XIRP2: variants seen among roughly 807,000 people sequenced by gnomAD.
XIRP2 encodes the protein xin actin binding repeat containing 2, also known as xin actin-binding repeat-containing protein 2.
XIRP2 carries 236 observed loss-of-function variants against 277.0 expected under a neutral mutation model. The ratio of observed to expected loss-of-function variants is 0.85; its 90% CI spans 0.77 to 0.95. The LOEUF is 0.95. XIRP2 is among the 40% of genes least tolerant of loss of function. XIRP2 has a pLI of 0.00. For synonymous variants in XIRP2, 1,490 were observed against 1,416.5 expected (o/e 1.05, Z -1.17); for missense variants, 4,640 against 4,157.5 (o/e 1.12, Z -3.19).
chr2:166,931,431 C>A (rs1312383137), intron 2 of XIRP2, among the ~76,000 whole-genome samples: 3 of 152,156 alleles, frequency 2.0e-5, no homozygotes, highest in African/African-American at 4.8e-5. Flanking sequence ...GCCAATAGCA[C>A]CTTACCCATA....
intron 2 of XIRP2, among the ~76,000 whole-genome samples, chr2:167,081,700 CT>C (rs1290130524): frequency 6.6e-6 from 1 of 152,048 alleles, no homozygotes; most frequent in Non-Finnish European, 1.5e-5. Flanking sequence ...AATATAGATC[CT>C]TTAACTTACA....
intron 2 of XIRP2, among the ~76,000 whole-genome samples, chr2:166,910,246 C>CT (rs200290048): frequency 1.9e-3 from 287 of 152,164 alleles, no homozygotes; most frequent in Admixed American, 3.7e-3. Flanking sequence ...TGGTCCTGGA[C>CT]TTTTTTTGGT....
chr2:167,158,029 G>A (rs1045851213), intron 3 of XIRP2, among the ~76,000 whole-genome samples: 2 of 152,096 alleles, frequency 1.3e-5, no homozygotes, highest in African/African-American at 4.8e-5. Flanking sequence ...TTAAAACAGT[G>A]TTCTAGTTGT....
intron 9 of XIRP2, among the ~76,000 whole-genome samples, chr2:167,252,921 G>A (rs1695556416): frequency 6.6e-6 from 1 of 151,850 alleles, no homozygotes; most frequent in Non-Finnish European, 1.5e-5. Flanking sequence ...GCATAATTAA[G>A]CAAAGCTGTC....
At chr2:167,013,566 A>G (rs1687740328) in intron 2 of XIRP2, among the ~76,000 whole-genome samples, 1 of 151,630 alleles carries the variant, frequency 6.6e-6, no homozygotes, top group East Asian at 1.9e-4. Context: ...GAGAATATAT[A>G]TAGAAGTCCT....
intron 3 of XIRP2, among the ~76,000 whole-genome samples, chr2:167,163,444 T>G (rs964716686): frequency 1.3e-5 from 2 of 152,228 alleles, no homozygotes; most frequent in Admixed American, 6.5e-5. Flanking sequence ...CATGTGTTTT[T>G]GGGCATATTT....
At chr2:167,083,119 T>C (rs1414878578) in intron 2 of XIRP2, among the ~76,000 whole-genome samples, 1 of 152,220 alleles carries the variant, frequency 6.6e-6, no homozygotes, top group Admixed American at 6.5e-5. Flanking sequence ...ATTGATTTTG[T>C]ATAAGGTGTA....
intron 1 of XIRP2, among the ~76,000 whole-genome samples, chr2:166,894,624 A>G (rs1684193589): frequency 6.6e-6 from 1 of 152,176 alleles, no homozygotes; most frequent in Non-Finnish European, 1.5e-5. Context: ...GTTTATACAT[A>G]TGATGGGTTA....
chr2:167,125,884 G>A (rs1691188370), intron 2 of XIRP2, among the ~76,000 whole-genome samples: 1 of 152,106 alleles, frequency 6.6e-6, no homozygotes, highest in African/African-American at 2.4e-5. Context: ...CATCTAACGT[G>A]GGCCAGGGTT....
chr2:167,129,912 C>T (rs949406389), intron 2 of XIRP2, among the ~76,000 whole-genome samples: 1 of 151,512 alleles, frequency 6.6e-6, no homozygotes, highest in Non-Finnish European at 1.5e-5. Context: ...TTATCTTGCT[C>T]TCTTTCAAGT....
intron 3 of XIRP2, among the ~76,000 whole-genome samples, chr2:167,191,709 C>G (rs1693339996): frequency 6.6e-6 from 1 of 152,176 alleles, no homozygotes; most frequent in Admixed American, 6.5e-5. Context: ...CCACTCTCAT[C>G]ACTGGACACA....
chr2:167,237,732 T>C (rs1349874925), intron 5 of XIRP2, among the ~76,000 whole-genome samples: 1 of 152,192 alleles, frequency 6.6e-6, no homozygotes, highest in Non-Finnish European at 1.5e-5. Context: ...GTGCCCCTCA[T>C]AGGGACCTTG....
chr2:167,104,366 C>T lies in XIRP2; in HGVS notation c.409-31543C>T, dbSNP rs147010075. On this transcript the variant is annotated intron_variant, in intron 2 of 10. Transcript: ENST00000409195. ...GTCCCCCTTAGTACTTCCACCAACCCATCATAACAATTTTATCCCATCCCC... is the reference window on the plus strand; with the variant it reads ...GTCCCCCTTAGTACTTCCACCAACCTATCATAACAATTTTATCCCATCCCC... Among the ~76,000 whole-genome samples, 237 of 152,172 alleles carry T rather than the reference C, an allele frequency of 1.6e-3. 2 individuals are homozygous for T. Among genetic ancestry groups the T allele is most frequent in the African/African-American group, 5.6e-3 (234 of 41,546 alleles).
chr2:166,984,750 G>T (rs547008751), intron 2 of XIRP2, among the ~76,000 whole-genome samples: 48 of 152,226 alleles, frequency 3.2e-4, no homozygotes, highest in African/African-American at 8.7e-4. Context: ...TGAATGCAAA[G>T]AATTTGAATA....
At chr2:166,988,683 C>A (rs867425363) in intron 2 of XIRP2, among the ~76,000 whole-genome samples, 1 of 105,766 alleles carries the variant, frequency 9.5e-6, no homozygotes, top group African/African-American at 4.0e-5. Flanking sequence ...GTTCCCTTTC[C>A]GAGTCAAAGA....
At chr2:166,981,427 T>C (rs1321339094) in intron 2 of XIRP2, among the ~76,000 whole-genome samples, 1 of 129,316 alleles carries the variant, frequency 7.7e-6, no homozygotes, top group Non-Finnish European at 1.7e-5. Flanking sequence ...GCTCTTCTTC[T>C]TTTTTTTTTT....
intron 2 of XIRP2, among the ~76,000 whole-genome samples, chr2:167,088,001 T>C (rs1254844323): frequency 6.6e-6 from 1 of 152,150 alleles, no homozygotes; most frequent in Non-Finnish European, 1.5e-5. Context: ...TTTAATTACA[T>C]AAAAGATGAT....
chr2:167,028,487 C>G (rs1174365614), intron 2 of XIRP2, among the ~76,000 whole-genome samples: 1 of 152,084 alleles, frequency 6.6e-6, no homozygotes, highest in African/African-American at 2.4e-5. Context: ...CTGTAAGAGT[C>G]ACAGTGTTAC....
At chr2:166,962,008 G>A (rs1686311442) in intron 2 of XIRP2, among the ~76,000 whole-genome samples, 1 of 151,624 alleles carries the variant, frequency 6.6e-6, no homozygotes, top group Admixed American at 6.6e-5. Flanking sequence ...AAGATCGGAA[G>A]GTGAAAAAGA....
Sources: allele counts gnomAD v4.1 joint callset (sites outside exome capture counted in the v4.1 genomes callset), GRCh38; gene constraint gnomAD v4.1.1; transcripts MANE v1.5; gene names NCBI Gene and HGNC (gene_info 2026-07-23, HGNC 2026-07-21).